COX10: variants seen among roughly 807,000 people sequenced by gnomAD.
The protein encoded by COX10 is cytochrome c oxidase assembly factor heme A:farnesyltransferase COX10, also known as protoheme IX farnesyltransferase, mitochondrial.
COX10 carries 27 observed loss-of-function variants against 37.3 expected under a neutral mutation model. The observed-to-expected ratio is 0.72, with a 90% CI of 0.53 to 1.00. The LOEUF (loss-of-function observed/expected upper bound fraction) is 1.00, where lower values mean the gene tolerates loss of function less well. Among genes scored for constraint, COX10 ranks in the 50% least tolerant of loss-of-function variants. The probability of loss-of-function intolerance (pLI) is 0.00; values close to 1 mark genes in which losing one functional copy is unlikely to be tolerated. For missense variants in COX10, 475 were observed against 563.2 expected, an observed-to-expected ratio of 0.84 and a Z score of 1.59; for synonymous variants, 222 against 229.1, an observed-to-expected ratio of 0.97 and a Z score of 0.28.
intron 5 of COX10, among the ~76,000 whole-genome samples, chr17:14,170,096 G>C (rs965336295): frequency 6.6e-6 from 1 of 152,318 alleles, no homozygotes; most frequent in African/African-American, 2.4e-5. Context: ...CTCACCAGAA[G>C]CCAGAGCCAT....
chr17:14,152,077 C>T (rs1341247844), intron 4 of COX10, among the ~76,000 whole-genome samples: 1 of 152,100 alleles, frequency 6.6e-6, no homozygotes, highest in Non-Finnish European at 1.5e-5. Flanking sequence ...AACTAAATAC[C>T]TTTAAGCAGC....
intron 5 of COX10, among the ~76,000 whole-genome samples, chr17:14,173,346 G>A (rs2142249659): frequency 6.6e-6 from 1 of 152,358 alleles, no homozygotes. Flanking sequence ...CTGCTGCCAA[G>A]GCAATGAGAA....
At chr17:14,177,530 G>GA (rs1597538182) in intron 5 of COX10, among the ~76,000 whole-genome samples, 1 of 93,038 alleles carries the variant, frequency 1.1e-5, no homozygotes, top group East Asian at 2.9e-4. Flanking sequence ...GTGGTTAATA[G>GA]AAACATCCTT....
At chr17:14,077,454 C>G (rs566563201) in intron 3 of COX10, 1 of 232,604 alleles carries the variant, frequency 4.3e-6, no homozygotes, top group African/African-American at 2.3e-5. Context: ...CACTGAGTCT[C>G]CCAGTTCACT....
At chr17:14,130,947 A>G (rs1916451066) in intron 4 of COX10, among the ~76,000 whole-genome samples, 1 of 152,152 alleles carries the variant, frequency 6.6e-6, no homozygotes, top group Non-Finnish European at 1.5e-5. Flanking sequence ...AAACCATCAC[A>G]AAGTAGGTCT....
intron 5 of COX10, among the ~76,000 whole-genome samples, chr17:14,173,987 G>C (rs1463914573): frequency 6.6e-6 from 1 of 152,058 alleles, no homozygotes; most frequent in Non-Finnish European, 1.5e-5. Context: ...AACCATGCAA[G>C]AAAAGTAGAT....
chr17:14,175,207 T>A (rs1358806747), intron 5 of COX10, among the ~76,000 whole-genome samples: 1 of 151,038 alleles, frequency 6.6e-6, no homozygotes, highest in Admixed American at 6.6e-5. Flanking sequence ...TTACCTTTTT[T>A]TTTTTTTAAC....
At chr17:14,134,883 C>T (rs1488583481) in intron 4 of COX10, among the ~76,000 whole-genome samples, 1 of 151,508 alleles carries the variant, frequency 6.6e-6, no homozygotes, top group Non-Finnish European at 1.5e-5. Flanking sequence ...CCTACTTTCC[C>T]ACACTGGTAA....
intron 2 of COX10, among the ~76,000 whole-genome samples, chr17:14,075,494 C>A (rs1157991543): frequency 6.6e-6 from 1 of 152,120 alleles, no homozygotes; most frequent in African/African-American, 2.4e-5. Flanking sequence ...GTTTCCTTAT[C>A]TGTAAGTTAA....
chr17:14,103,975 C>T (rs1354270230), intron 4 of COX10, among the ~76,000 whole-genome samples: 1 of 152,122 alleles, frequency 6.6e-6, no homozygotes, highest in Non-Finnish European at 1.5e-5. Context: ...CCTCCTTAGG[C>T]TGGTTTTCCA....
At chr17:14,155,571 C>T (rs1440657777) in intron 4 of COX10, among the ~76,000 whole-genome samples, 1 of 151,764 alleles carries the variant, frequency 6.6e-6, no homozygotes, top group Non-Finnish European at 1.5e-5. Flanking sequence ...AAAAATTAGC[C>T]GAGTGTGGTG....
At chr17:14,136,894 G>A (rs1192734619) in intron 4 of COX10, among the ~76,000 whole-genome samples, 1 of 151,858 alleles carries the variant, frequency 6.6e-6, no homozygotes, top group African/African-American at 2.4e-5. Context: ...AATCTTTTTG[G>A]TTATTTGTCA....
intron 4 of COX10, among the ~76,000 whole-genome samples, chr17:14,142,207 A>G (rs1277847520): frequency 6.6e-6 from 1 of 152,222 alleles, no homozygotes; most frequent in Non-Finnish European, 1.5e-5. Context: ...GTATTTTACT[A>G]AGACATTAAC....
Position 14,116,163 on chromosome 17 carries a change from G to C in COX10, c.624+13921G>C, listed in dbSNP as rs543695515. Among the ~76,000 whole-genome samples, 132 of 152,060 alleles carry C rather than the reference G, an allele frequency of 8.7e-4. 1 individual carries two copies. The highest frequency in any genetic ancestry group is 3.0e-3 in the African/African-American group (126 of 41,476). Reference sequence around the variant, plus strand: ...ATTTCATCTTCTTTGTCATTTGAAGGCTTTTAAAAGTTACCCTTCATTAAC... The same window carrying C: ...ATTTCATCTTCTTTGTCATTTGAAGCCTTTTAAAAGTTACCCTTCATTAAC... On this transcript the variant is annotated intron_variant, in intron 4 of 6. Coordinates refer to ENST00000261643, the MANE Select transcript of COX10 (RefSeq NM_001303.4).
intron 4 of COX10, among the ~76,000 whole-genome samples, chr17:14,143,206 A>T (rs1904598270): frequency 6.6e-6 from 1 of 152,140 alleles, no homozygotes; most frequent in African/African-American, 2.4e-5. Flanking sequence ...GTCCCAGTGT[A>T]TTTCGGGTAC....
intron 6 of COX10, among the ~76,000 whole-genome samples, chr17:14,200,735 G>A (rs1382194173): frequency 6.6e-6 from 1 of 152,178 alleles, no homozygotes; most frequent in African/African-American, 2.4e-5. Context: ...AAGAGAAGTG[G>A]ACATTTCTTT....
At chr17:14,113,233 T>G (rs1325611438) in intron 4 of COX10, among the ~76,000 whole-genome samples, 1 of 152,130 alleles carries the variant, frequency 6.6e-6, no homozygotes, top group Non-Finnish European at 1.5e-5. Context: ...AATATCTTCA[T>G]TTTCTCATCA....
chr17:14,191,295 C>T lies in COX10; in HGVS notation c.696-694C>T, dbSNP rs1017354362. On this transcript the variant is annotated intron_variant, in intron 5 of 6. Transcript: ENST00000261643. ...TTTCATTTGCATAAATAACACTGTG[C>T]GACCTCCCCTTGAAAATCCCGTGTG... Among the ~76,000 whole-genome samples, 3 of 149,476 alleles carry T rather than the reference C, an allele frequency of 2.0e-5. No homozygotes were observed. The Admixed American group carries it at 2.0e-4, about 10-fold the overall frequency.
intron 4 of COX10, among the ~76,000 whole-genome samples, chr17:14,143,821 C>G (rs1218706377): frequency 6.6e-6 from 1 of 152,148 alleles, no homozygotes; most frequent in Non-Finnish European, 1.5e-5. Context: ...TGGTTTCCCC[C>G]TTTCTGTTTC....
Sources: allele counts gnomAD v4.1 joint callset (sites outside exome capture counted in the v4.1 genomes callset), GRCh38; gene constraint gnomAD v4.1.1; transcripts MANE v1.5; gene names NCBI Gene and HGNC (gene_info 2026-07-23, HGNC 2026-07-21).